Variants in VNN2 observed in about 807,000 individuals in gnomAD.
VNN2 encodes the protein pantetheine hydrolase VNN2.
In VNN2, 43 loss-of-function variants were observed where a neutral mutation model predicts 43.0. That is an observed-to-expected ratio of 1.00 (90% CI 0.78 to 1.29). The LOEUF (loss-of-function observed/expected upper bound fraction) is 1.29, where lower values mean the gene tolerates loss of function less well. VNN2 is among the 50% of genes most tolerant of loss of function. VNN2 has a pLI of 0.00. For synonymous variants in VNN2, 230 were observed against 224.3 expected (o/e 1.03, Z -0.23); for missense variants, 652 against 619.7 (o/e 1.05, Z -0.55).
intron 2 of VNN2, among the ~76,000 whole-genome samples, chr6:132,756,744 C>G (rs1032613969): frequency 6.6e-6 from 1 of 152,216 alleles, no homozygotes; most frequent in African/African-American, 2.4e-5. Context: ...AAACTCTTCT[C>G]TAACTCACTC....
chr6:132,744,387 T>A lies in VNN2; in HGVS notation c.1476A>T (p.Ser492=), dbSNP rs752088980. The A allele has an allele frequency of 6.2e-7, 1 of 1,613,826 alleles. No homozygotes were observed. The highest frequency in any genetic ancestry group is 1.3e-5 in the African/African-American group (1 of 75,008). ...TTATTGCTGAATTGCTGGTCCCACA[T>A]GAGCTGTAAAGTGAGTCCTTTGTGT... ...RWYTKDSLYS[S]CGTSNSAITY... Residue 492 remains serine (S), a synonymous_variant, in exon 7 of 7, where the codon TCA becomes TCT. Transcript: ENST00000326499.
At chr6:132,744,760 T>C (rs1448720630) in intron 6 of VNN2, among the ~76,000 whole-genome samples, 1 of 152,192 alleles carries the variant, frequency 6.6e-6, no homozygotes, top group Non-Finnish European at 1.5e-5. Flanking sequence ...TGAGTTCGAT[T>C]ATGTGCAAGA....
rs200230703 is a variant in VNN2, at chr6:132,752,637, T to A, written c.650A>T (p.Tyr217Phe). Residue 217 changes from tyrosine to phenylalanine, a missense_variant, in exon 4 of 7, where the codon TAT becomes TTT. By Grantham distance (22) the Tyr-to-Phe change is conservative (BLOSUM62 3). Transcript: ENST00000326499. ...GIFTCFDIFF[Y>F]DPGVTLVKDF... ...TTTCACCAGGGTAACACCAGGATCA[T>A]AGAAGAATATATCAAAGCACGTGAA... The A allele has an allele frequency of 1.9e-4, 303 of 1,614,102 alleles. 1 individual carries two copies. In the East Asian group the frequency reaches 6.6e-3, roughly 35 times the overall value.
intron 6 of VNN2, among the ~76,000 whole-genome samples, chr6:132,749,488 G>C (rs886141110): frequency 6.6e-6 from 1 of 152,078 alleles, no homozygotes; most frequent in Admixed American, 6.6e-5. Context: ...AATGAGCCCA[G>C]CCAACGTCAA....
At chr6:132,750,715 C>T (rs1257957973) in intron 5 of VNN2, among the ~76,000 whole-genome samples, 4 of 149,736 alleles carry the variant, frequency 2.7e-5, no homozygotes, top group East Asian at 3.9e-4. Context: ...ATACAAAACC[C>T]GGGACATCTG....
intron 2 of VNN2, 74 bp from the exon 3 acceptor site, chr6:132,756,109 A>T: frequency 1.5e-6 from 2 of 1,336,220 alleles, no homozygotes; most frequent in Non-Finnish European, 2.0e-6. Flanking sequence ...AACGATAGCA[A>T]CTGTAACCAC....
chr6:132,759,438 C>CAA (rs58195059), upstream of VNN2, among the ~76,000 whole-genome samples: 3,867 of 68,360 alleles, frequency 0.057, 220 homozygotes, highest in African/African-American at 0.11. Flanking sequence ...AACTCCGTCT[C>CAA]AAAAAAAAAA....
intron 3 of VNN2, among the ~76,000 whole-genome samples, chr6:132,755,098 A>C (rs886206112): frequency 6.6e-6 from 1 of 152,162 alleles, no homozygotes; most frequent in Non-Finnish European, 1.5e-5. Context: ...AGAGCCCAGG[A>C]GTTTGAGGTT....
intron 4 of VNN2, 115 bp from the exon 5 acceptor site, chr6:132,751,633 G>A: frequency 2.4e-6 from 3 of 1,274,748 alleles, no homozygotes; most frequent in South Asian, 1.5e-5. Flanking sequence ...GTCACGATGA[G>A]AGAGGATACA....
At chr6:132,750,097 G>A (rs1779968437) in intron 5 of VNN2, among the ~76,000 whole-genome samples, 1 of 152,166 alleles carries the variant, frequency 6.6e-6, no homozygotes, top group African/African-American at 2.4e-5. Flanking sequence ...TTTAGAATTA[G>A]AGTTAAACCA....
rs777933266 is a variant in VNN2, at chr6:132,751,418, T to C, written c.927A>G (p.Leu309=). 9.9e-6 allele frequency: 16 copies of C among 1,614,076 alleles called. No individual in the cohort carries two copies. In the African/African-American group the frequency reaches 2.0e-4, roughly 20 times the overall value. ...CAGCTGTTGGGTAGGCAAGCGAGGA[T>C]AGGGGATGTGAATCCACCTCTGAAA... ...LLLSEVDSHP[L]SSLAYPTAVN... is the part of the protein sequence containing the mutation. Residue 309 remains leucine, a synonymous_variant, in exon 5 of 7, where the codon CTA becomes CTG. Transcript: ENST00000326499.
At chr6:132,755,549 T>C (rs554365789) in intron 3 of VNN2, among the ~76,000 whole-genome samples, 142 of 151,986 alleles carry the variant, frequency 9.3e-4, no homozygotes, top group Non-Finnish European at 1.6e-3. Flanking sequence ...AATTTTTGTA[T>C]TTTTTAGTAG....
At chr6:132,759,593 C>T (rs35148730), upstream of VNN2, among the ~76,000 whole-genome samples, 4,316 of 152,056 alleles carry the variant, frequency 0.028, 83 homozygotes, top group South Asian at 0.056. Flanking sequence ...GTAAAAGTCA[C>T]GGAAATGCTT....
upstream of VNN2, chr6:132,758,018 C>CTTCTTCTTG: frequency 6.3e-6 from 1 of 159,820 alleles, no homozygotes; most frequent in Non-Finnish European, 9.8e-6. Flanking sequence ...TCTTCTTCTT[C>CTTCTTCTTG]TTCTTCTTCT....
At chr6:132,758,275 T>A (rs938237043), upstream of VNN2, among the ~76,000 whole-genome samples, 4 of 152,052 alleles carry the variant, frequency 2.6e-5, no homozygotes, top group Non-Finnish European at 4.4e-5. Flanking sequence ...AAACTCCTGA[T>A]CTTGTGATCC....
chr6:132,748,924 C>CT (rs1779885717), intron 6 of VNN2, among the ~76,000 whole-genome samples: 1 of 151,920 alleles, frequency 6.6e-6, no homozygotes, highest in African/African-American at 2.4e-5. Context: ...GAGCAAGACT[C>CT]TGTTTAAAAA....
In VNN2 at chr6:132,750,405, C is replaced by T. The variant is rs867857815; in HGVS notation, c.1201-540G>A. ...ATGTTATCCCAGCAATTTGGGAGGC[C>T]GAGGCAGTCGGATCAGCAGAGGTGA... On this transcript the variant is annotated intron_variant, in intron 5 of 6. Coordinates refer to ENST00000326499, the MANE Select transcript of VNN2 (RefSeq NM_004665.6). 4.6e-5 allele frequency among the ~76,000 whole-genome samples: 7 copies of T among 150,888 alleles called. No homozygotes were observed. The East Asian group carries it at 1.2e-3, about 25-fold the overall frequency.
chr6:132,748,935 A>C, intron 6 of VNN2, among the ~76,000 whole-genome samples: 1 of 152,236 alleles, frequency 6.6e-6, no homozygotes, highest in Non-Finnish European at 1.5e-5. Context: ...TGTTTAAAAA[A>C]AAATGTGAAA....
intron 6 of VNN2, among the ~76,000 whole-genome samples, chr6:132,746,927 G>A (rs1421542584): frequency 6.6e-6 from 1 of 152,036 alleles, no homozygotes; most frequent in Non-Finnish European, 1.5e-5. Flanking sequence ...ACAAAATAAA[G>A]ACCTGCCTCA....
Sources: gnomAD v4.1 joint callset for allele counts (sites outside exome capture counted in the v4.1 genomes callset) on GRCh38, gnomAD v4.1.1 for gene constraint, MANE v1.5 for transcripts, NCBI Gene and HGNC (gene_info 2026-07-23, HGNC 2026-07-21) for gene names.